The following RPS28 variants were observed in gnomAD, a reference collection of about 807,000 sequenced individuals.
The protein encoded by RPS28 is small ribosomal subunit protein eS28.
A neutral mutation model predicts 9.4 loss-of-function variants in RPS28; 2 were observed. The observed-to-expected ratio is 0.21, with a 90% CI of 0.09 to 0.67. The LOEUF (loss-of-function observed/expected upper bound fraction) is 0.67. Ranked by LOEUF, RPS28 falls within the 30% of genes least tolerant of loss-of-function variation. RPS28 has a pLI of 0.82. For missense variants in RPS28, 35 were observed against 95.3 expected, an observed-to-expected ratio of 0.37 and a Z score of 2.63; for synonymous variants, 41 against 37.8, an observed-to-expected ratio of 1.08 and a Z score of -0.31.
chr19:8,321,613 G>A, intron 1 of RPS28, 43 bp from the exon 2 acceptor site: 1 of 1,562,490 alleles, frequency 6.4e-7, no homozygotes, highest in Non-Finnish European at 8.7e-7. Context: ...AGGGATTAGA[G>A]GAGCCAAACG....
intron 2 of RPS28, 113 bp downstream of exon 2, chr19:8,321,816 C>A: frequency 1.3e-6 from 2 of 1,501,302 alleles, no homozygotes; most frequent in Non-Finnish European, 1.8e-6. Flanking sequence ...CATTTCATCA[C>A]GGGGTTCTGA....
rs774986099 is a variant in RPS28, at chr19:8,322,929, A to G, written c.*674A>G. On this transcript the variant is annotated 3_prime_UTR_variant, in exon 4 of 4. Transcript: ENST00000600659. Reference sequence around the variant, plus strand: ...AGCCAGGGGGTGACTCGCTCTGGAGAGAGGGGAAAAGAGGGGGGCCTGCTG... The same window carrying G: ...AGCCAGGGGGTGACTCGCTCTGGAGGGAGGGGAAAAGAGGGGGGCCTGCTG... 1 of 1,410,518 alleles carries G rather than the reference A, an allele frequency of 7.1e-7. No individual in the cohort carries two copies. Among genetic ancestry groups the G allele is most frequent in the Non-Finnish European group, 9.6e-7 (1 of 1,046,036 alleles). 87.4% of individuals were successfully genotyped at this position (1,410,518 alleles called of 1,614,324 possible).
At chr19:8,321,599 G>T in intron 1 of RPS28, 30 bp downstream of exon 1, 1 of 1,570,846 alleles carries the variant, frequency 6.4e-7, no homozygotes, top group Non-Finnish European at 8.6e-7. Flanking sequence ...TTGGGGGCAG[G>T]GGGAGGGATT....
Position 8,322,755 on chromosome 19 carries a change from C to A in RPS28, c.*500C>A. ...AGTGTTAGCCTCTGAGCAGGGGACC[C>A]TGGACCCTTCTGTGCGCCAAAGGCT... On this transcript the variant is annotated 3_prime_UTR_variant, in exon 4 of 4. Coordinates refer to ENST00000600659, the MANE Select transcript of RPS28 (RefSeq NM_001031.5). The A allele has an allele frequency of 9.5e-7, 1 of 1,055,432 alleles. No individual in the cohort carries two copies. The highest frequency in any genetic ancestry group is 2.5e-5 in the East Asian group (1 of 40,642). The allele number at this position is 1,055,432 out of a possible 1,614,324, so 65.4% of individuals were successfully genotyped here.
At position 8,322,941 on chromosome 19, in the gene RPS28, A is replaced by AG; in HGVS notation, c.*692dup. The AG allele has an allele frequency of 4.4e-6, 6 of 1,372,408 alleles. No homozygotes were observed. Among genetic ancestry groups the AG allele is most frequent in the Non-Finnish European group, 5.9e-6 (6 of 1,014,714 alleles). 85.0% of individuals were successfully genotyped at this position (1,372,408 alleles called of 1,614,324 possible). A position where few individuals can be genotyped will look rare whatever the true frequency, so the allele number is the denominator to read the frequency against. On this transcript the variant is annotated 3_prime_UTR_variant, in exon 4 of 4. Transcript: ENST00000600659. ...ACTCGCTCTGGAGAGAGGGGAAAAG[A>AG]GGGGGGCCTGCTGCAATCTCCTTGA... is the stretch of plus-strand genomic sequence containing the variant.
In RPS28 at chr19:8,322,886, C is replaced by G. The variant is rs1255921646; in HGVS notation, c.*631C>G. On this transcript the variant is annotated 3_prime_UTR_variant, in exon 4 of 4. Coordinates refer to ENST00000600659, the MANE Select transcript of RPS28 (RefSeq NM_001031.5). ...CCATTGTCACCGCATTCTCCTTCAC[C>G]AGGTGTGGCTGTCTGGGAGCCAGGG... 1.9e-6 allele frequency: 3 copies of G among 1,573,134 alleles called. No individual in the cohort carries two copies. In the South Asian group the frequency reaches 3.5e-5, roughly 18 times the overall value.
rs1432046472 is a variant in RPS28 at position 8,322,332 on chromosome 19, T to C, written c.*77T>C. The C allele has an allele frequency of 4.9e-6, 3 of 607,502 alleles. No homozygotes were observed. The highest frequency in any genetic ancestry group is 1.6e-5 in the South Asian group (1 of 60,940). The allele number at this position is 607,502 out of a possible 1,614,324, so 37.6% of individuals were successfully genotyped here. A position where few individuals can be genotyped will look rare whatever the true frequency, so the allele number is the denominator to read the frequency against. ...GGAATGGTCTGTCACAGTCTGCTCC[T>C]TTTTTTTGTCCGCCACACGTAACTG... On this transcript the variant is annotated 3_prime_UTR_variant, in exon 4 of 4. Coordinates refer to ENST00000600659, the MANE Select transcript of RPS28 (RefSeq NM_001031.5).
chr19:8,322,177 G>A, intron 3 of RPS28, 86 bp downstream of exon 3: 1 of 1,447,920 alleles, frequency 6.9e-7, no homozygotes, highest in Admixed American at 1.9e-5. Flanking sequence ...GGGTTTGGGA[G>A]GCAGAGTCTA....
Position 8,322,817 on chromosome 19 carries a change from GTA to G in RPS28, c.*563_*564del. On this transcript the variant is annotated 3_prime_UTR_variant, in exon 4 of 4. Transcript: ENST00000600659. ...CGAGGAGATCTCCCCACAGCTAGGT[GTA>G]GTGAGCCAGACGAGGCAGCTTACTG... is the stretch of plus-strand genomic sequence containing the variant. 6.4e-7 allele frequency: 1 copy of G among 1,572,680 alleles called. No individual in the cohort carries two copies. The highest frequency in any genetic ancestry group is 8.7e-7 in the Non-Finnish European group (1 of 1,145,082).
chr19:8,322,143 G>A, intron 3 of RPS28, 52 bp downstream of exon 3: 1 of 1,588,156 alleles, frequency 6.3e-7, no homozygotes, highest in Non-Finnish European at 8.6e-7. Flanking sequence ...GTGGTAGGGA[G>A]GCTTCGTTAA....
rs1443624335 is a variant in RPS28, at chr19:8,321,504, C to G, written c.-27C>G. ...TCTCCCCGAAGCACGTGACTCCTCT[C>G]CGCCAGACCGCCGCCGCGCCGCCAT... On this transcript the variant is annotated 5_prime_UTR_variant, in exon 1 of 4. Transcript: ENST00000600659. The G allele has an allele frequency of 6.4e-7, 1 of 1,571,086 alleles. No individual in the cohort carries two copies. The highest frequency in any genetic ancestry group is 2.3e-5 in the East Asian group (1 of 42,788).
chr19:8,322,918 T>C lies in RPS28; in HGVS notation c.*663T>C, dbSNP rs1278449736. ...GGCTGTCTGGGAGCCAGGGGGTGAC[T>C]CGCTCTGGAGAGAGGGGAAAAGAGG... On this transcript the variant is annotated 3_prime_UTR_variant, in exon 4 of 4. Coordinates refer to ENST00000600659, the MANE Select transcript of RPS28 (RefSeq NM_001031.5). 1 of 1,531,342 alleles carries C rather than the reference T, an allele frequency of 6.5e-7. No individual in the cohort carries two copies. Among genetic ancestry groups the C allele is most frequent in the South Asian group, 1.2e-5 (1 of 81,366 alleles). 94.9% of individuals were successfully genotyped at this position (1,531,342 alleles called of 1,614,324 possible).
rs907483590 is a variant in RPS28, at chr19:8,322,538, G to A, written c.*283G>A. ...AAGCTTTTCCTTTTTGAGGCGGGGGGTCGTGTTTGTCGATTGCACCCTCTA... is the reference window on the plus strand; with the variant it reads ...AAGCTTTTCCTTTTTGAGGCGGGGGATCGTGTTTGTCGATTGCACCCTCTA... On this transcript the variant is annotated 3_prime_UTR_variant, in exon 4 of 4. Coordinates refer to ENST00000600659, the MANE Select transcript of RPS28 (RefSeq NM_001031.5). 2.6e-5 allele frequency: 13 copies of A among 497,640 alleles called. No individual in the cohort carries two copies. The highest frequency in any genetic ancestry group is 1.2e-4 in the East Asian group (3 of 25,130). 30.8% of individuals were successfully genotyped at this position (497,640 alleles called of 1,614,324 possible).
Position 8,322,023 on chromosome 19 carries a change from G to A in RPS28, c.158G>A (p.Gly53Asp). Residue 53 changes from glycine (G) to aspartate (D), a missense_variant, in exon 3 of 4, where the codon GGC becomes GAC. Gly to Asp is a moderately conservative substitution (Grantham distance 94). This residue lies in a region of RPS28 where 10 missense variants were observed against 62.8 expected (regional missense o/e 0.16). Transcript: ENST00000600659. Reference sequence around the variant, plus strand: ...AATGTAAAAGGCCCCGTGCGCGAGGGCGACGTGCTCACCCTTTTGGAGTCA... The same window carrying A: ...AATGTAAAAGGCCCCGTGCGCGAGGACGACGTGCTCACCCTTTTGGAGTCA... ...IRNVKGPVRE[G>D]DVLTLLESER... 6.2e-7 allele frequency: 1 copy of A among 1,613,066 alleles called. No individual in the cohort carries two copies. The highest frequency in any genetic ancestry group is 8.5e-7 in the Non-Finnish European group (1 of 1,179,636).
At chr19:8,321,623 G>A (rs377499156) in intron 1 of RPS28, 33 bp from the exon 2 acceptor site, 2 of 1,560,056 alleles carry the variant, frequency 1.3e-6, no homozygotes, top group Non-Finnish European at 8.7e-7. Context: ...GGAGCCAAAC[G>A]GGCCGGGTCT....
Position 8,322,558 on chromosome 19 carries a change from C to T in RPS28, c.*303C>T, listed in dbSNP as rs1478412911. 1 of 515,866 alleles carries T rather than the reference C, an allele frequency of 1.9e-6. No individual in the cohort carries two copies. 32.0% of individuals were successfully genotyped at this position (515,866 alleles called of 1,614,324 possible). ...GGGGGGTCGTGTTTGTCGATTGCAC[C>T]CTCTACCCCAAACAAAACACAAGCG... On this transcript the variant is annotated 3_prime_UTR_variant, in exon 4 of 4. Transcript: ENST00000600659.
In RPS28 at chr19:8,322,436, A is replaced by C. The variant is rs911055716; in HGVS notation, c.*181A>C. On this transcript the variant is annotated 3_prime_UTR_variant, in exon 4 of 4. Transcript: ENST00000600659. ...TGGGTTATACGACTAGGGTTTCTCCAGGTTTCTTGAGTGGCTCCCAGGCGG... is the reference window on the plus strand; with the variant it reads ...TGGGTTATACGACTAGGGTTTCTCCCGGTTTCTTGAGTGGCTCCCAGGCGG... The C allele has an allele frequency of 8.9e-5, 48 of 538,296 alleles. No homozygotes were observed. Among genetic ancestry groups the C allele is most frequent in the Non-Finnish European group, 7.8e-5 (22 of 282,800 alleles). 33.3% of individuals were successfully genotyped at this position (538,296 alleles called of 1,614,324 possible).
Position 8,322,809 on chromosome 19 carries a change from A to T in RPS28, c.*554A>T. 6.5e-7 allele frequency: 1 copy of T among 1,539,140 alleles called. No individual in the cohort carries two copies. Among genetic ancestry groups the T allele is most frequent in the Non-Finnish European group, 9.0e-7 (1 of 1,114,882 alleles). On this transcript the variant is annotated 3_prime_UTR_variant, in exon 4 of 4. Coordinates refer to ENST00000600659, the MANE Select transcript of RPS28 (RefSeq NM_001031.5). ...GTGACTGACGAGGAGATCTCCCCAC[A>T]GCTAGGTGTAGTGAGCCAGACGAGG...
rs1329331415 is a variant in RPS28 at position 8,322,937 on chromosome 19, A to G, written c.*682A>G. 7.1e-7 allele frequency: 1 copy of G among 1,408,380 alleles called. No individual in the cohort carries two copies. The highest frequency in any genetic ancestry group is 2.6e-5 in the East Asian group (1 of 38,900). 87.2% of individuals were successfully genotyped at this position (1,408,380 alleles called of 1,614,324 possible). ...GGTGACTCGCTCTGGAGAGAGGGGA[A>G]AAGAGGGGGGCCTGCTGCAATCTCC... On this transcript the variant is annotated 3_prime_UTR_variant, in exon 4 of 4. Transcript: ENST00000600659.
Sources: gnomAD v4.1 joint callset for allele counts on GRCh38, gnomAD v4.1.1 for gene constraint, gnomAD v4.1.1 regional missense constraint, MANE v1.5 for transcripts, NCBI Gene and HGNC (gene_info 2026-07-23, HGNC 2026-07-21) for gene names.